The following IPCEF1 variants were observed in gnomAD, a reference collection of about 807,000 sequenced individuals.
IPCEF1 encodes the protein interactor protein for cytohesin exchange factors 1.
A neutral mutation model predicts 50.9 loss-of-function variants in IPCEF1; 31 were observed. The ratio of observed to expected loss-of-function variants is 0.61; its 90% CI spans 0.46 to 0.82. The LOEUF (loss-of-function observed/expected upper bound fraction) is 0.82. Among genes scored for constraint, IPCEF1 ranks in the 40% least tolerant of loss-of-function variants. The pLI is 0.00. For synonymous variants in IPCEF1, 181 were observed against 192.0 expected (o/e 0.94, Z 0.47); for missense variants, 458 against 514.0 (o/e 0.89, Z 1.05).
At chr6:154,195,976 G>A (rs964474241) in intron 10 of IPCEF1, among the ~76,000 whole-genome samples, 1 of 151,778 alleles carries the variant, frequency 6.6e-6, no homozygotes, top group African/African-American at 2.4e-5. Flanking sequence ...ATTTTTAGTA[G>A]AGACAGGGTT....
chr6:154,252,959 T>C (rs1562567572), intron 3 of IPCEF1, among the ~76,000 whole-genome samples: 1 of 152,214 alleles, frequency 6.6e-6, no homozygotes, highest in Non-Finnish European at 1.5e-5. Context: ...TGCAGTAAGA[T>C]ACAGATACAC....
At chr6:154,178,304 AT>A in intron 10 of IPCEF1, among the ~76,000 whole-genome samples, 1 of 152,302 alleles carries the variant, frequency 6.6e-6, no homozygotes, top group Middle Eastern at 3.4e-3. Context: ...AAAAAATTAT[AT>A]TAAAATTACA....
intron 10 of IPCEF1, among the ~76,000 whole-genome samples, chr6:154,193,607 A>T (rs942172158): frequency 6.6e-6 from 1 of 152,240 alleles, no homozygotes; most frequent in Non-Finnish European, 1.5e-5. Context: ...AAAAGAAAGA[A>T]AACCAAGGAT....
At chr6:154,229,730 A>G (rs141070289) in intron 5 of IPCEF1, among the ~76,000 whole-genome samples, 1 of 152,306 alleles carries the variant, frequency 6.6e-6, no homozygotes, top group African/African-American at 2.4e-5. Context: ...GTGTCTACCC[A>G]AGAGGAATGG....
chr6:154,159,200 G>C lies in IPCEF1; in HGVS notation c.*628C>G, dbSNP rs1045869979. On this transcript the variant is annotated 3_prime_UTR_variant, in exon 12 of 12. Transcript: ENST00000367220. The stretch of plus-strand genomic sequence containing the variant: ...CCTGCATAAAGTGTGAAAACACCAA[G>C]CTGTCCTTTGAATGAGTGGAATATG... 2 of 152,862 alleles carry C rather than the reference G, an allele frequency of 1.3e-5. No individual in the cohort carries two copies. Among genetic ancestry groups the C allele is most frequent in the African/African-American group, 4.8e-5 (2 of 41,564 alleles). The allele number at this position is 152,862 out of a possible 1,614,324, so 9.5% of individuals were successfully genotyped here.
At chr6:154,236,192 T>C (rs1379738143) in intron 5 of IPCEF1, among the ~76,000 whole-genome samples, 1 of 152,136 alleles carries the variant, frequency 6.6e-6, no homozygotes, top group African/African-American at 2.4e-5. Flanking sequence ...GGTACACACA[T>C]CAAGGGGATA....
At position 154,200,150 on chromosome 6, in the gene IPCEF1, A is replaced by C. The variant is rs1011781400; in HGVS notation, c.538-110T>G. The C allele has an allele frequency of 6.1e-6, 6 of 987,710 alleles. No individual in the cohort carries two copies. The African/African-American group carries it at 9.9e-5, about 16-fold the overall frequency. 61.2% of individuals were successfully genotyped at this position (987,710 alleles called of 1,614,324 possible). A position where few individuals can be genotyped will look rare whatever the true frequency, so the allele number is the denominator to read the frequency against. The stretch of plus-strand genomic sequence containing the variant: ...TGTCCCCGTGTTATTTCAAAAAGTG[A>C]CCAATAATAAAAGAGTCAAAAGGTA... On this transcript the variant is annotated intron_variant, in intron 9 of 11. Transcript: ENST00000367220.
At chr6:154,307,084 A>G (rs1583972183) in intron 1 of IPCEF1, among the ~76,000 whole-genome samples, 2 of 152,136 alleles carry the variant, frequency 1.3e-5, no homozygotes, top group South Asian at 4.1e-4. Context: ...TAATGACCTC[A>G]TTTTAACTTA....
chr6:154,295,719 A>G (rs1347833318), intron 1 of IPCEF1, among the ~76,000 whole-genome samples: 2 of 152,176 alleles, frequency 1.3e-5, no homozygotes, highest in Admixed American at 6.5e-5. Flanking sequence ...AAGTCTGTAC[A>G]TGTCTAAGCT....
chr6:154,274,525 A>C (rs1782005293), intron 2 of IPCEF1, among the ~76,000 whole-genome samples: 1 of 152,198 alleles, frequency 6.6e-6, no homozygotes, highest in Admixed American at 6.5e-5. Flanking sequence ...GAAAACTGCA[A>C]GAGATCTCAA....
intron 2 of IPCEF1, among the ~76,000 whole-genome samples, chr6:154,278,408 G>A (rs998830615): frequency 3.9e-5 from 6 of 152,122 alleles, no homozygotes; most frequent in African/African-American, 1.4e-4. Flanking sequence ...TCCAAGAGAC[G>A]CCAAGGCTCC....
chr6:154,175,362 T>TA (rs1005812138), intron 10 of IPCEF1, among the ~76,000 whole-genome samples: 5 of 144,474 alleles, frequency 3.5e-5, no homozygotes, highest in South Asian at 2.2e-4. Flanking sequence ...AAAAACCCTT[T>TA]AAAAAAATCA....
chr6:154,352,946 G>A (rs1784142284), intron 1 of IPCEF1, among the ~76,000 whole-genome samples: 1 of 152,122 alleles, frequency 6.6e-6, no homozygotes, highest in Admixed American at 6.5e-5. Flanking sequence ...ATTGACTATT[G>A]CATTTTTTAG....
intron 9 of IPCEF1, among the ~76,000 whole-genome samples, chr6:154,206,027 G>A (rs1777465266): frequency 6.6e-6 from 1 of 152,074 alleles, no homozygotes; most frequent in Non-Finnish European, 1.5e-5. Flanking sequence ...TGGCTATCAA[G>A]AGATGCCAGG....
At chr6:154,233,260 A>T (rs891169799) in intron 5 of IPCEF1, among the ~76,000 whole-genome samples, 1 of 152,218 alleles carries the variant, frequency 6.6e-6, no homozygotes, top group East Asian at 1.9e-4. Flanking sequence ...GACTGAGTGC[A>T]TTGTAAGCTG....
chr6:154,232,225 G>A (rs571693742), intron 5 of IPCEF1, among the ~76,000 whole-genome samples: 4 of 152,312 alleles, frequency 2.6e-5, no homozygotes, highest in Admixed American at 2.0e-4. Context: ...AGAGCTGCAC[G>A]TATTAGCATC....
chr6:154,288,667 CA>C (rs552235190), intron 2 of IPCEF1, among the ~76,000 whole-genome samples: 32 of 112,640 alleles, frequency 2.8e-4, no homozygotes, highest in South Asian at 1.1e-3. Context: ...GTCTAAAAAA[CA>C]AAAAAAACAA....
At position 154,159,177 on chromosome 6, in the gene IPCEF1, T is replaced by C. The variant is rs1374591613; in HGVS notation, c.*651A>G. 6.6e-6 allele frequency: 1 copy of C among 152,572 alleles called. No homozygotes were observed. The highest frequency in any genetic ancestry group is 1.5e-5 in the Non-Finnish European group (1 of 68,182). The allele number at this position is 152,572 out of a possible 1,614,324, so 9.5% of individuals were successfully genotyped here. A position where few individuals can be genotyped will look rare whatever the true frequency, so the allele number is the denominator to read the frequency against. On this transcript the variant is annotated 3_prime_UTR_variant, in exon 12 of 12. Transcript: ENST00000367220. ...GAAACATTAATCAGATCCCCTAACC[T>C]GCATAAAGTGTGAAAACACCAAGCT... is the stretch of plus-strand genomic sequence containing the variant.
At chr6:154,257,773 C>T (rs1454757411) in intron 3 of IPCEF1, among the ~76,000 whole-genome samples, 3 of 152,112 alleles carry the variant, frequency 2.0e-5, no homozygotes, top group South Asian at 2.1e-4. Context: ...GATCATGGTT[C>T]GCTGCAATCT....
Sources: gnomAD v4.1 joint callset for allele counts (sites outside exome capture counted in the v4.1 genomes callset) on GRCh38, gnomAD v4.1.1 for gene constraint, MANE v1.5 for transcripts, NCBI Gene and HGNC (gene_info 2026-07-23, HGNC 2026-07-21) for gene names.